FAM135B: variants seen among roughly 807,000 people sequenced by gnomAD.
FAM135B encodes family with sequence similarity 135 member B.
In FAM135B, 43 loss-of-function variants were observed where a neutral mutation model predicts 127.7. The ratio of observed to expected loss-of-function variants is 0.34; its 90% CI spans 0.26 to 0.43. The LOEUF (loss-of-function observed/expected upper bound fraction) is 0.43, where lower values mean the gene tolerates loss of function less well. Ranked by LOEUF, FAM135B falls within the 20% of genes least tolerant of loss-of-function variation. The pLI is 1.00. For synonymous variants in FAM135B, 670 were observed against 665.1 expected, an observed-to-expected ratio of 1.01 and a Z score of -0.11; for missense variants, 1,558 against 1,725.6, an observed-to-expected ratio of 0.90 and a Z score of 1.72.
chr8:138,152,144 A>G lies in FAM135B; in HGVS notation c.2331T>C (p.Ser777=), dbSNP rs2130758131. ...CATCTTCAGCAGCCTCCTCTGGGCT[A>G]CTGATGTGGGGAGCAGATACAGACT... The part of the protein sequence containing the change: ...LTKSVSAPHI[S]SPEEAAEDAD... Residue 777 remains serine (S), a synonymous_variant, in exon 13 of 20, where the codon AGT becomes AGC. Transcript: ENST00000395297. 6.2e-7 allele frequency: 1 copy of G among 1,613,956 alleles called. No homozygotes were observed. Among genetic ancestry groups the G allele is most frequent in the East Asian group, 2.2e-5 (1 of 44,836 alleles).
At chr8:138,434,091 C>T (rs1354036867) in intron 1 of FAM135B, among the ~76,000 whole-genome samples, 1 of 152,218 alleles carries the variant, frequency 6.6e-6, no homozygotes, top group Non-Finnish European at 1.5e-5. Context: ...TAAGCTTAGA[C>T]AAGCTTTAGT....
At chr8:138,369,439 C>A in intron 1 of FAM135B, among the ~76,000 whole-genome samples, 1 of 152,216 alleles carries the variant, frequency 6.6e-6, no homozygotes, top group African/African-American at 2.4e-5. Flanking sequence ...GGAGGATTAA[C>A]TGGGCCTTAA....
At chr8:138,163,669 A>G (rs1819628988) in intron 12 of FAM135B, among the ~76,000 whole-genome samples, 1 of 152,058 alleles carries the variant, frequency 6.6e-6, no homozygotes, top group African/African-American at 2.4e-5. Context: ...ATGCCTCCCT[A>G]GCCACGTGGA....
At chr8:138,264,947 G>A (rs555774651) in intron 4 of FAM135B, among the ~76,000 whole-genome samples, 50 of 152,234 alleles carry the variant, frequency 3.3e-4, no homozygotes, top group Admixed American at 2.3e-3. Flanking sequence ...AAATCAGCTC[G>A]AATATGGCAA....
chr8:138,300,744 CTTTTTTTTTTTT>C (rs34292545), intron 3 of FAM135B, among the ~76,000 whole-genome samples: 1 of 100,492 alleles, frequency 1.0e-5, no homozygotes, highest in Non-Finnish European at 2.0e-5. Context: ...ATTTTATCCA[CTTTTTTTTTTTT>C]TTTTTTTTTT....
At chr8:138,227,982 G>A (rs1020096164) in intron 7 of FAM135B, among the ~76,000 whole-genome samples, 1 of 152,112 alleles carries the variant, frequency 6.6e-6, no homozygotes, top group Non-Finnish European at 1.5e-5. Context: ...AATAGAATAT[G>A]CAGAAGGTTG....
chr8:138,188,315 G>A (rs1815771989), intron 9 of FAM135B, among the ~76,000 whole-genome samples: 2 of 152,328 alleles, frequency 1.3e-5, no homozygotes, highest in East Asian at 3.9e-4. Flanking sequence ...CAGAAGTACT[G>A]CAGGCCCAGG....
At chr8:138,220,061 T>TCACACACA (rs3221962) in intron 7 of FAM135B, among the ~76,000 whole-genome samples, 30,570 of 146,318 alleles carry the variant, frequency 0.21, 3,307 homozygotes, top group South Asian at 0.35. Context: ...TTGCCTAAAA[T>TCACACACA]CACACACACA....
intron 2 of FAM135B, among the ~76,000 whole-genome samples, chr8:138,343,507 T>C (rs957542281): frequency 6.6e-6 from 1 of 152,186 alleles, no homozygotes; most frequent in Admixed American, 6.5e-5. Flanking sequence ...GAACTGAAGC[T>C]GCAGGAACTG....
At position 138,483,737 on chromosome 8, in the gene FAM135B, G is replaced by A. The variant is rs1564036293; in HGVS notation, c.-20+12934C>T. Among the ~76,000 whole-genome samples, 3 of 152,300 alleles carry A rather than the reference G, an allele frequency of 2.0e-5. No homozygotes were observed. The East Asian group carries it at 5.8e-4, about 29-fold the overall frequency. ...GACAACTTCCAGCTCAGGGCACACT[G>A]CTCATTCCTGCAGTGACCCTATGCA... is the stretch of plus-strand genomic sequence containing the variant. On this transcript the variant is annotated intron_variant, in intron 1 of 19. Coordinates refer to ENST00000395297, the MANE Select transcript of FAM135B (RefSeq NM_015912.4).
intron 2 of FAM135B, among the ~76,000 whole-genome samples, chr8:138,355,899 CCCT>C (rs1464957762): frequency 1.3e-5 from 2 of 152,154 alleles, no homozygotes; most frequent in Non-Finnish European, 2.9e-5. Flanking sequence ...AAACCTAATG[CCCT>C]CCTAACGGTG....
intron 19 of FAM135B, among the ~76,000 whole-genome samples, chr8:138,136,824 C>G (rs1400286315): frequency 6.6e-6 from 1 of 152,124 alleles, no homozygotes; most frequent in Non-Finnish European, 1.5e-5. Flanking sequence ...TATTACTTGT[C>G]GAGGCTCCAA....
chr8:138,190,967 CA>C (rs1051670339), intron 9 of FAM135B, among the ~76,000 whole-genome samples: 3 of 152,142 alleles, frequency 2.0e-5, no homozygotes, highest in African/African-American at 7.2e-5. Context: ...CCCTAAACTG[CA>C]AAAAACCAAG....
intron 2 of FAM135B, among the ~76,000 whole-genome samples, chr8:138,339,554 A>C (rs956137609): frequency 1.3e-5 from 2 of 151,960 alleles, no homozygotes; most frequent in Admixed American, 6.5e-5. Flanking sequence ...CATCAGAAAA[A>C]AGGAGAATGG....
chr8:138,457,976 A>C (rs1346590133), intron 1 of FAM135B, among the ~76,000 whole-genome samples: 22 of 131,248 alleles, frequency 1.7e-4, no homozygotes, highest in Non-Finnish European at 1.6e-5. Context: ...CTCCATCTCA[A>C]AAAAAAAAAA....
chr8:138,306,889 C>T (rs147075424), intron 3 of FAM135B, among the ~76,000 whole-genome samples: 1 of 152,114 alleles, frequency 6.6e-6, no homozygotes, highest in African/African-American at 2.4e-5. Context: ...TGGCCACAGG[C>T]TGTATCATTC....
chr8:138,163,595 C>T (rs139005705), intron 12 of FAM135B, among the ~76,000 whole-genome samples: 2 of 152,278 alleles, frequency 1.3e-5, no homozygotes, highest in Non-Finnish European at 2.9e-5. Flanking sequence ...AACCCTTTCA[C>T]TTGGCTCTCA....
At chr8:138,302,933 C>A (rs892931245) in intron 3 of FAM135B, among the ~76,000 whole-genome samples, 4 of 152,204 alleles carry the variant, frequency 2.6e-5, no homozygotes, top group Non-Finnish European at 5.9e-5. Flanking sequence ...AGTCAGGAAA[C>A]AACAGATGCT....
chr8:138,472,229 C>T lies in FAM135B; in HGVS notation c.-20+24442G>A, dbSNP rs752647535. On this transcript the variant is annotated intron_variant, in intron 1 of 19. Transcript: ENST00000395297. ...GAGAGAAATTTCTACAATATGTATACGTTAATGAGCTAATGAACTGGGGCT... is the reference window on the plus strand; with the variant it reads ...GAGAGAAATTTCTACAATATGTATATGTTAATGAGCTAATGAACTGGGGCT... Among the ~76,000 whole-genome samples the T allele has an allele frequency of 1.6e-4, 25 of 151,906 alleles. 1 individual carries two copies. The highest frequency in any genetic ancestry group is 5.8e-4 in the East Asian group (3 of 5,174).
Sources: gnomAD v4.1 joint callset for allele counts (sites outside exome capture counted in the v4.1 genomes callset) on GRCh38, gnomAD v4.1.1 for gene constraint, MANE v1.5 for transcripts, NCBI Gene and HGNC (gene_info 2026-07-23, HGNC 2026-07-21) for gene names.